Variants in GALNT13 observed in about 807,000 individuals in gnomAD.
GALNT13 encodes polypeptide N-acetylgalactosaminyltransferase 13, also known as UDP-GalNAc:polypeptide N-acetylgalactosaminyltransferase 13.
In GALNT13, 28 loss-of-function variants were observed where a neutral mutation model predicts 64.2. The ratio of observed to expected loss-of-function variants is 0.44; its 90% CI spans 0.32 to 0.60. The LOEUF is 0.60. Among genes scored for constraint, GALNT13 ranks in the 20% least tolerant of loss-of-function variants. GALNT13 has a pLI of 0.05. For missense variants in GALNT13, 577 were observed against 669.8 expected, an observed-to-expected ratio of 0.86 and a Z score of 1.53; for synonymous variants, 214 against 224.6, an observed-to-expected ratio of 0.95 and a Z score of 0.42.
chr2:154,396,091 G>C lies in GALNT13; in HGVS notation c.1257G>C (p.Pro419=), dbSNP rs752474364. 6.2e-7 allele frequency: 1 copy of C among 1,607,870 alleles called. No homozygotes were observed. The highest frequency in any genetic ancestry group is 1.3e-5 in the African/African-American group (1 of 74,518). Residue 419 remains proline, a synonymous_variant, in exon 10 of 13, where the codon CCG becomes CCC. Transcript: ENST00000392825. ...PFSWYLENIY[P]DSQIPRRYYS... ...CTTGGTACCTAGAAAACATCTATCC[G>C]GACTCCCAGATCCCAAGACGTTATT...
At chr2:153,590,657 G>A in the GALNT13 span, among the ~76,000 whole-genome samples, 13 of 152,142 alleles carry the variant, frequency 8.5e-5, 1 homozygote, top group East Asian at 1.2e-3. Flanking sequence ...GCAATGCAAG[G>A]GTGGTTAAAC....
the GALNT13 span, among the ~76,000 whole-genome samples, chr2:153,523,297 A>G: frequency 6.6e-6 from 1 of 152,146 alleles, no homozygotes; most frequent in Non-Finnish European, 1.5e-5. Context: ...TGTATTGGCT[A>G]TCTGAGTCAT....
At chr2:153,207,704 A>G in the GALNT13 span, among the ~76,000 whole-genome samples, 1,668 of 152,282 alleles carry the variant, frequency 0.011, 24 homozygotes, top group Non-Finnish European at 0.013. Flanking sequence ...AGTTATTTAT[A>G]TTAGCTTAAA....
chr2:153,795,143 C>A, the GALNT13 span, among the ~76,000 whole-genome samples: 1 of 152,120 alleles, frequency 6.6e-6, no homozygotes, highest in Non-Finnish European at 1.5e-5. Flanking sequence ...GTACTCATTT[C>A]TCTTTCAAAT....
intron 9 of GALNT13, among the ~76,000 whole-genome samples, chr2:154,312,745 T>C (rs904728298): frequency 1.3e-5 from 2 of 152,146 alleles, no homozygotes; most frequent in African/African-American, 2.4e-5. Flanking sequence ...TTGAACAAAA[T>C]TGATGTTTTG....
chr2:153,676,900 C>G, the GALNT13 span, among the ~76,000 whole-genome samples: 1 of 151,798 alleles, frequency 6.6e-6, no homozygotes, highest in African/African-American at 2.4e-5. Flanking sequence ...AAACCATCTA[C>G]GAAAAAAACA....
intron 4 of GALNT13, among the ~76,000 whole-genome samples, chr2:154,199,415 C>T (rs1257153702): frequency 6.6e-6 from 1 of 151,978 alleles, no homozygotes; most frequent in Non-Finnish European, 1.5e-5. Context: ...GAATTTTTGA[C>T]TGTATCAGTC....
the GALNT13 span, among the ~76,000 whole-genome samples, chr2:153,068,985 T>C: frequency 6.6e-6 from 1 of 152,240 alleles, no homozygotes; most frequent in Non-Finnish European, 1.5e-5. Context: ...CTTGTCTCTC[T>C]GTTCAGCCAG....
the GALNT13 span, among the ~76,000 whole-genome samples, chr2:153,104,886 T>TA: frequency 6.6e-6 from 1 of 152,102 alleles, no homozygotes; most frequent in African/African-American, 2.4e-5. Flanking sequence ...CTTTTCTTTT[T>TA]TTTATTATTA....
At chr2:153,485,353 T>C in the GALNT13 span, among the ~76,000 whole-genome samples, 4 of 152,250 alleles carry the variant, frequency 2.6e-5, no homozygotes, top group Admixed American at 1.3e-4. Flanking sequence ...TTTCTTTCAC[T>C]GCTTTTAAAC....
the GALNT13 span, chr2:153,593,374 C>T: frequency 6.6e-6 from 1 of 152,258 alleles, no homozygotes; most frequent in Admixed American, 6.5e-5. Context: ...AGGTACACAA[C>T]TCCAGTGAGC....
At chr2:153,833,674 C>T in the GALNT13 span, among the ~76,000 whole-genome samples, 9 of 152,088 alleles carry the variant, frequency 5.9e-5, no homozygotes, top group East Asian at 5.8e-4. Context: ...ATGCACTAGG[C>T]GTCTTGAAAT....
the GALNT13 span, among the ~76,000 whole-genome samples, chr2:153,093,743 G>A: frequency 6.6e-6 from 1 of 152,168 alleles, no homozygotes; most frequent in African/African-American, 2.4e-5. Flanking sequence ...AATAGTTTGA[G>A]TAGGATTGAT....
chr2:154,266,501 CATT>C (rs1386757930), intron 8 of GALNT13, among the ~76,000 whole-genome samples: 7 of 152,088 alleles, frequency 4.6e-5, no homozygotes, highest in South Asian at 2.1e-4. Flanking sequence ...TGATATTAAA[CATT>C]ATCTAAAATA....
intron 3 of GALNT13, among the ~76,000 whole-genome samples, chr2:153,966,219 C>CTTTTTTTTTTTTTTT (rs761961683): frequency 7.5e-5 from 9 of 120,106 alleles, no homozygotes; most frequent in East Asian, 2.5e-4. Flanking sequence ...GGTTGGATTT[C>CTTTTTTTTTTTTTTT]TTTTTTTTTT....
At chr2:153,951,663 T>A (rs1485262628) in intron 3 of GALNT13, among the ~76,000 whole-genome samples, 1 of 152,116 alleles carries the variant, frequency 6.6e-6, no homozygotes, top group Non-Finnish European at 1.5e-5. Context: ...GGACTTTGAG[T>A]TTGTTTTGGA....
intron 8 of GALNT13, among the ~76,000 whole-genome samples, chr2:154,276,034 A>G (rs1691632054): frequency 6.6e-6 from 1 of 151,958 alleles, no homozygotes; most frequent in Non-Finnish European, 1.5e-5. Flanking sequence ...AATTTCTCCC[A>G]TTTGGAATGG....
chr2:153,740,965 G>C, the GALNT13 span, among the ~76,000 whole-genome samples: 3 of 152,130 alleles, frequency 2.0e-5, no homozygotes, highest in Non-Finnish European at 4.4e-5. Context: ...TTTCTGTGCA[G>C]TGTCTGCACT....
chr2:153,850,521 C>T, the GALNT13 span, among the ~76,000 whole-genome samples: 1 of 152,110 alleles, frequency 6.6e-6, no homozygotes, highest in Non-Finnish European at 1.5e-5. Flanking sequence ...GTCTGCCAAT[C>T]AATCAAAAAT....
Sources: gnomAD v4.1 joint callset for allele counts (sites outside exome capture counted in the v4.1 genomes callset) on GRCh38, gnomAD v4.1.1 for gene constraint, MANE v1.5 for transcripts, NCBI Gene and HGNC (gene_info 2026-07-23, HGNC 2026-07-21) for gene names.